Variants in DOCK7 observed in about 807,000 individuals in gnomAD.
DOCK7 encodes dedicator of cytokinesis 7.
In DOCK7, 138 loss-of-function variants were observed where a neutral mutation model predicts 271.0. The observed-to-expected ratio is 0.51, with a 90% CI of 0.44 to 0.59. The LOEUF (loss-of-function observed/expected upper bound fraction) is 0.59, where lower values mean the gene tolerates loss of function less well. Among genes scored for constraint, DOCK7 ranks in the 20% least tolerant of loss-of-function variants. The pLI is 0.00. For missense variants in DOCK7, 2,066 were observed against 2,592.4 expected (o/e 0.80, Z 4.41); for synonymous variants, 823 against 876.1 (o/e 0.94, Z 1.07).
At chr1:62,652,413 C>CT (rs1657499771) in intron 4 of DOCK7, among the ~76,000 whole-genome samples, 4 of 152,108 alleles carry the variant, frequency 2.6e-5, no homozygotes, top group Admixed American at 2.6e-4. Context: ...AAAATAAGGG[C>CT]TTTAGAATCT....
intron 48 of DOCK7, chr1:62,458,394 T>C (rs895996785): frequency 2.6e-5 from 4 of 152,216 alleles, no homozygotes; most frequent in African/African-American, 9.6e-5. Context: ...TGTCATTAAA[T>C]TGAAAATTAT....
At chr1:62,487,286 T>C in intron 43 of DOCK7, 112 bp downstream of exon 43, 2 of 996,992 alleles carry the variant, frequency 2.0e-6, no homozygotes, top group Non-Finnish European at 3.1e-6. Flanking sequence ...ATTCAGTTGA[T>C]AGCAGATAGC....
Position 62,529,279 on chromosome 1 carries a change from G to A in DOCK7, c.3779C>T (p.Thr1260Ile), listed in dbSNP as rs746520896. The change falls in exon 30 of 50, where the codon ACA becomes ATA. Residue 1260 changes from threonine to isoleucine, a missense_variant and splice_region_variant. By Grantham distance (89) the Thr-to-Ile change is moderately conservative (BLOSUM62 -1). Transcript: ENST00000635253. The part of the protein sequence containing the change: ...METVPQLYDF[T>I]ETHNQRGRPI... ...TTTGCCTTAATTATACTAGGTACCT[G>A]TAAAATCATACAGCTGAGGTACAGT... 1.9e-6 allele frequency: 3 copies of A among 1,597,164 alleles called. No individual in the cohort carries two copies. The South Asian group carries it at 3.4e-5, about 18-fold the overall frequency.
intron 2 of DOCK7, among the ~76,000 whole-genome samples, chr1:62,661,553 G>A (rs1008970603): frequency 6.6e-6 from 1 of 151,486 alleles, no homozygotes; most frequent in Non-Finnish European, 1.5e-5. Flanking sequence ...TTTTTGCCCA[G>A]ATATTATTTC....
Position 62,455,356 on chromosome 1 carries a change from T to G in DOCK7, c.*58A>C, listed in dbSNP as rs1645317071. ...CCATGTTGTTTTCCAATAGATCTTT[T>G]CACACTCGATGTTGAATACATGGCT... On this transcript the variant is annotated 3_prime_UTR_variant, in exon 50 of 50. Coordinates refer to ENST00000635253, the MANE Select transcript of DOCK7 (RefSeq NM_001367561.1). 1 of 1,563,858 alleles carries G rather than the reference T, an allele frequency of 6.4e-7. No homozygotes were observed. Among genetic ancestry groups the G allele is most frequent in the Non-Finnish European group, 8.8e-7 (1 of 1,135,666 alleles).
chr1:62,674,551 A>T (rs971646652), intron 1 of DOCK7, among the ~76,000 whole-genome samples: 2 of 152,242 alleles, frequency 1.3e-5, no homozygotes, highest in African/African-American at 4.8e-5. Context: ...ACAAATTTCA[A>T]ATTTTACTTT....
chr1:62,523,748 T>C (rs1230554248), intron 31 of DOCK7, among the ~76,000 whole-genome samples: 1 of 151,988 alleles, frequency 6.6e-6, no homozygotes, highest in Non-Finnish European at 1.5e-5. Context: ...GTGCCTATAG[T>C]CCCAGCTACT....
At chr1:62,671,470 GGAGA>G (rs905501267) in intron 1 of DOCK7, among the ~76,000 whole-genome samples, 9 of 152,026 alleles carry the variant, frequency 5.9e-5, no homozygotes, top group African/African-American at 2.2e-4. Flanking sequence ...AAGACAATGG[GGAGA>G]GAGAGAGAAA....
intron 14 of DOCK7, among the ~76,000 whole-genome samples, chr1:62,599,013 C>T (rs1412266205): frequency 6.6e-6 from 1 of 152,026 alleles, no homozygotes; most frequent in African/African-American, 2.4e-5. Context: ...TAAATTACTT[C>T]ACCCCTTTAT....
chr1:62,577,239 A>G, intron 18 of DOCK7, 23 bp downstream of exon 18: 1 of 1,374,184 alleles, frequency 7.3e-7, no homozygotes, highest in Non-Finnish European at 9.7e-7. Flanking sequence ...AATCTGGAGA[A>G]AGTCAACATG....
intron 10 of DOCK7, among the ~76,000 whole-genome samples, chr1:62,633,144 T>A (rs1050372015): frequency 3.3e-5 from 5 of 152,176 alleles, no homozygotes; most frequent in Non-Finnish European, 2.9e-5. Context: ...TATCACTATT[T>A]TATAAATAAA....
intron 14 of DOCK7, among the ~76,000 whole-genome samples, chr1:62,593,328 G>A (rs1045607736): frequency 2.0e-5 from 3 of 152,148 alleles, no homozygotes; most frequent in African/African-American, 7.2e-5. Flanking sequence ...CCAGCACTCT[G>A]GGAGGCCAAG....
intron 29 of DOCK7, among the ~76,000 whole-genome samples, chr1:62,532,507 A>AT (rs1408114372): frequency 1.3e-5 from 2 of 151,928 alleles, no homozygotes; most frequent in Non-Finnish European, 2.9e-5. Flanking sequence ...AATTAAAAAA[A>AT]TTTTTTTGGT....
intron 7 of DOCK7, among the ~76,000 whole-genome samples, chr1:62,638,761 G>C (rs1571864697): frequency 6.6e-6 from 1 of 150,852 alleles, no homozygotes; most frequent in African/African-American, 2.4e-5. Flanking sequence ...ACATAGACAA[G>C]ACAGATAGAC....
intron 22 of DOCK7, among the ~76,000 whole-genome samples, chr1:62,547,618 A>G (rs1031168172): frequency 2.6e-5 from 4 of 152,222 alleles, no homozygotes; most frequent in African/African-American, 9.6e-5. Flanking sequence ...AAAAGATGAT[A>G]TATGAGAAAG....
At chr1:62,566,575 C>T (rs961224136) in intron 18 of DOCK7, among the ~76,000 whole-genome samples, 2 of 152,116 alleles carry the variant, frequency 1.3e-5, no homozygotes, top group African/African-American at 4.8e-5. Flanking sequence ...AAACATAAGA[C>T]CTAACACCAT....
At position 62,505,872 on chromosome 1, in the gene DOCK7, A is replaced by C. The variant is rs1646921961; in HGVS notation, c.4477-56T>G. ...AGATGTACTTGCAATTTAGTTATGG[A>C]TGTTACAGGCCTCCCTATGTATAAA... On this transcript the variant is annotated intron_variant, in intron 35 of 49. Coordinates refer to ENST00000635253, the MANE Select transcript of DOCK7 (RefSeq NM_001367561.1). 7 of 1,559,990 alleles carry C rather than the reference A, an allele frequency of 4.5e-6. No homozygotes were observed. The South Asian group carries it at 8.2e-5, about 18-fold the overall frequency.
At chr1:62,662,970 A>C (rs1453222274) in intron 2 of DOCK7, 55 bp downstream of exon 2, 1 of 1,387,312 alleles carries the variant, frequency 7.2e-7, no homozygotes, top group African/African-American at 1.4e-5. Context: ...CTATTTTTTC[A>C]TGGCCTAGTC....
chr1:62,518,336 T>C (rs920372128), intron 31 of DOCK7, among the ~76,000 whole-genome samples: 2 of 150,938 alleles, frequency 1.3e-5, no homozygotes, highest in Non-Finnish European at 3.0e-5. Context: ...CTTTGGGAGG[T>C]TGAGGTGGGT....
Sources: gnomAD v4.1 joint callset for allele counts (sites outside exome capture counted in the v4.1 genomes callset) on GRCh38, gnomAD v4.1.1 for gene constraint, MANE v1.5 for transcripts, NCBI Gene and HGNC (gene_info 2026-07-23, HGNC 2026-07-21) for gene names.